Variants in ELAVL2 observed in about 807,000 individuals in gnomAD.
ELAVL2 encodes ELAV-like protein 2.
A neutral mutation model predicts 34.6 loss-of-function variants in ELAVL2; 4 were observed. The observed-to-expected ratio is 0.12, with a 90% CI of 0.06 to 0.26. ELAVL2 has a LOEUF of 0.26. Ranked by LOEUF, ELAVL2 falls within the 10% of genes least tolerant of loss-of-function variation. The pLI is 1.00. For missense variants in ELAVL2, 432 were observed against 442.8 expected (o/e 0.98, Z 0.22); for synonymous variants, 193 against 154.8 (o/e 1.25, Z -1.83).
chr9:23,713,860 T>A (rs2041650899), intron 3 of ELAVL2, among the ~76,000 whole-genome samples: 1 of 152,052 alleles, frequency 6.6e-6, no homozygotes, highest in African/African-American at 2.4e-5. Flanking sequence ...TGTTAAGGAG[T>A]AAAAACATAT....
the ELAVL2 span, chr9:23,847,276 G>A: frequency 1.3e-5 from 2 of 151,742 alleles, no homozygotes; most frequent in Admixed American, 1.3e-4. Context: ...ATGCTTGCAG[G>A]TACATTGCAT....
chr9:23,782,228 G>A (rs1043884691), intron 1 of ELAVL2, among the ~76,000 whole-genome samples: 1 of 152,144 alleles, frequency 6.6e-6, no homozygotes, highest in Non-Finnish European at 1.5e-5. Flanking sequence ...AGAATCACAC[G>A]CTATAGCTAT....
intron 5 of ELAVL2, among the ~76,000 whole-genome samples, chr9:23,698,425 T>C (rs2036014094): frequency 6.6e-6 from 1 of 152,212 alleles, no homozygotes; most frequent in Non-Finnish European, 1.5e-5. Context: ...TAACCCTTAT[T>C]ACATGGATTT....
chr9:23,797,207 C>T (rs1176411197), intron 1 of ELAVL2, among the ~76,000 whole-genome samples: 1 of 152,146 alleles, frequency 6.6e-6, no homozygotes, highest in Non-Finnish European at 1.5e-5. Context: ...ACTAATTCTA[C>T]TTAAGCCCAA....
At chr9:23,704,364 C>T (rs1296718220) in intron 4 of ELAVL2, among the ~76,000 whole-genome samples, 3 of 152,084 alleles carry the variant, frequency 2.0e-5, no homozygotes, top group Non-Finnish European at 4.4e-5. Flanking sequence ...TTTTAATGAA[C>T]ATTTTAGTCT....
intron 5 of ELAVL2, among the ~76,000 whole-genome samples, chr9:23,700,265 T>C (rs945449637): frequency 6.6e-6 from 1 of 152,186 alleles, no homozygotes; most frequent in Non-Finnish European, 1.5e-5. Flanking sequence ...GGGTATAGTG[T>C]ACCATATGGC....
intron 1 of ELAVL2, among the ~76,000 whole-genome samples, chr9:23,809,722 T>C (rs190691138): frequency 1.3e-5 from 2 of 152,276 alleles, no homozygotes; most frequent in Admixed American, 6.5e-5. Flanking sequence ...AAACACACTA[T>C]GTGAGAGATC....
At chr9:23,778,330 G>C (rs1210791215) in intron 1 of ELAVL2, among the ~76,000 whole-genome samples, 4 of 152,160 alleles carry the variant, frequency 2.6e-5, no homozygotes, top group African/African-American at 9.7e-5. Context: ...GATTTAGCCT[G>C]AAAACATGTT....
At chr9:23,838,235 G>A in the ELAVL2 span, among the ~76,000 whole-genome samples, 1 of 151,802 alleles carries the variant, frequency 6.6e-6, no homozygotes, top group Non-Finnish European at 1.5e-5. Context: ...GCATTATTGG[G>A]TTTGTAAAAA....
intron 2 of ELAVL2, among the ~76,000 whole-genome samples, chr9:23,759,757 TATATATA>T (rs1564324094): frequency 2.1e-4 from 13 of 62,606 alleles, no homozygotes; most frequent in East Asian, 9.1e-4. Flanking sequence ...TATAGTATTA[TATATATA>T]TATATATATA....
At chr9:23,798,816 C>A (rs1252516351) in intron 1 of ELAVL2, among the ~76,000 whole-genome samples, 2 of 152,060 alleles carry the variant, frequency 1.3e-5, no homozygotes, top group Admixed American at 1.3e-4. Flanking sequence ...TTCCCAGGCA[C>A]ACGTGTAATT....
At chr9:23,771,438 T>C (rs540048582) in intron 1 of ELAVL2, among the ~76,000 whole-genome samples, 1 of 151,974 alleles carries the variant, frequency 6.6e-6, no homozygotes, top group South Asian at 2.1e-4. Context: ...AATCTATATA[T>C]AGATATATAT....
chr9:23,770,076 C>G (rs916685105), intron 1 of ELAVL2, among the ~76,000 whole-genome samples: 1 of 152,178 alleles, frequency 6.6e-6, no homozygotes, highest in Non-Finnish European at 1.5e-5. Flanking sequence ...GCAGCTCCCA[C>G]GAATTCAGGA....
intron 6 of ELAVL2, 130 bp downstream of exon 6, chr9:23,693,318 T>G: frequency 8.7e-7 from 1 of 1,147,552 alleles, no homozygotes; most frequent in Non-Finnish European, 1.3e-6. Flanking sequence ...AAGAGCAGCT[T>G]TTCATTAGGT....
intron 1 of ELAVL2, among the ~76,000 whole-genome samples, chr9:23,768,904 T>C (rs2056813434): frequency 6.6e-6 from 1 of 152,098 alleles, no homozygotes; most frequent in Admixed American, 6.6e-5. Context: ...TCATACTAAC[T>C]AGAAAAGTTT....
chr9:23,850,477 C>T, the ELAVL2 span, among the ~76,000 whole-genome samples: 2 of 152,022 alleles, frequency 1.3e-5, no homozygotes, highest in Admixed American at 6.5e-5. Context: ...GGATCCTTGC[C>T]GTCTCGTTCC....
At chr9:23,789,408 G>A (rs188260049) in intron 1 of ELAVL2, among the ~76,000 whole-genome samples, 186 of 152,232 alleles carry the variant, frequency 1.2e-3, no homozygotes, top group Non-Finnish European at 1.9e-3. Context: ...ACAAAATTAC[G>A]TATTAAAATG....
intron 1 of ELAVL2, among the ~76,000 whole-genome samples, chr9:23,792,916 A>G (rs2060492741): frequency 1.3e-5 from 2 of 152,168 alleles, no homozygotes; most frequent in African/African-American, 2.4e-5. Flanking sequence ...GACTACAGGC[A>G]TGCATCACCA....
At chr9:23,721,646 G>A (rs2043755044) in intron 3 of ELAVL2, among the ~76,000 whole-genome samples, 1 of 152,138 alleles carries the variant, frequency 6.6e-6, no homozygotes, top group Non-Finnish European at 1.5e-5. Flanking sequence ...ATATGGGTTT[G>A]AACTGTGTGG....
Sources: allele counts gnomAD v4.1 joint callset (sites outside exome capture counted in the v4.1 genomes callset), GRCh38; gene constraint gnomAD v4.1.1; transcripts MANE v1.5; gene names NCBI Gene and HGNC (gene_info 2026-07-23, HGNC 2026-07-21).